CREB5: variants seen among roughly 807,000 people sequenced by gnomAD.
CREB5 encodes the protein cyclic AMP-responsive element-binding protein 5.
In CREB5, 19 loss-of-function variants were observed where a neutral mutation model predicts 57.1. That is an observed-to-expected ratio of 0.33 (90% confidence interval 0.23 to 0.49). The LOEUF (loss-of-function observed/expected upper bound fraction) is 0.49, where lower values mean the gene tolerates loss of function less well. Among genes scored for constraint, CREB5 ranks in the 20% least tolerant of loss-of-function variants. The probability of loss-of-function intolerance (pLI) is 0.99; values close to 1 mark genes in which losing one functional copy is unlikely to be tolerated. For synonymous variants in CREB5, 238 were observed against 238.3 expected (o/e 1.00, Z 0.01); for missense variants, 579 against 671.6 (o/e 0.86, Z 1.52).
At chr7:28,457,053 A>G (rs1179222123) in intron 1 of CREB5, among the ~76,000 whole-genome samples, 1 of 152,224 alleles carries the variant, frequency 6.6e-6, no homozygotes, top group Non-Finnish European at 1.5e-5. Context: ...ATGGCAAAGA[A>G]GAGTGAGAGA....
At chr7:28,352,760 G>A (rs1432779463) in intron 1 of CREB5, among the ~76,000 whole-genome samples, 1 of 152,200 alleles carries the variant, frequency 6.6e-6, no homozygotes, top group East Asian at 1.9e-4. Context: ...TAGATGTAGA[G>A]TAGGAAACCA....
intron 5 of CREB5, among the ~76,000 whole-genome samples, chr7:28,675,463 T>G (rs1800274443): frequency 6.6e-6 from 1 of 152,178 alleles, no homozygotes; most frequent in Non-Finnish European, 1.5e-5. Context: ...GGAAAATTTG[T>G]CTTCCTCAGC....
rs1809909287 is a variant in CREB5 at position 28,823,658 on chromosome 7, G to C, written c.*4379G>C. The C allele has an allele frequency of 6.6e-6, 1 of 152,292 alleles. No individual in the cohort carries two copies. Among genetic ancestry groups the C allele is most frequent in the African/African-American group, 2.4e-5 (1 of 41,524 alleles). The allele number at this position is 152,292 out of a possible 1,614,324, so 9.4% of individuals were successfully genotyped here. On this transcript the variant is annotated 3_prime_UTR_variant, in exon 11 of 11. Transcript: ENST00000357727. Reference sequence around the variant, plus strand: ...TTAGGAAGCAGAGTTCAGCTAAAGGGAATCAGTAACTCTAACTGGAACAGC... The same window carrying C: ...TTAGGAAGCAGAGTTCAGCTAAAGGCAATCAGTAACTCTAACTGGAACAGC...
intron 1 of CREB5, among the ~76,000 whole-genome samples, chr7:28,468,010 C>T (rs7796539): frequency 0.2 from 30,381 of 152,110 alleles, 3,358 homozygotes; most frequent in African/African-American, 0.28. Flanking sequence ...CTTCAGAAGT[C>T]GTGGCCAAGA....
chr7:28,412,958 A>G (rs1216211504), intron 1 of CREB5, 41 bp downstream of exon 1: 2 of 1,389,566 alleles, frequency 1.4e-6, no homozygotes, highest in Non-Finnish European at 1.9e-6. Flanking sequence ...CAGAGAGAAA[A>G]CTTTGCACTT....
At chr7:28,703,870 C>T (rs1213922049) in intron 5 of CREB5, among the ~76,000 whole-genome samples, 1 of 152,194 alleles carries the variant, frequency 6.6e-6, no homozygotes, top group Non-Finnish European at 1.5e-5. Context: ...CTGGGCAACC[C>T]ATGGCCCAGT....
chr7:28,512,477 T>C (rs2391669), intron 4 of CREB5, among the ~76,000 whole-genome samples: 42,315 of 152,016 alleles, frequency 0.28, 6,010 homozygotes, highest in South Asian at 0.37. Context: ...AATGGACAAC[T>C]GGCATGTTGA....
intron 1 of CREB5, among the ~76,000 whole-genome samples, chr7:28,328,622 C>T (rs139947052): frequency 9.8e-5 from 15 of 152,304 alleles, no homozygotes; most frequent in South Asian, 6.2e-4. Flanking sequence ...TTATCTGCAA[C>T]GACTCTTCCA....
chr7:28,796,538 T>A (rs1430485197), intron 7 of CREB5, among the ~76,000 whole-genome samples: 1 of 152,244 alleles, frequency 6.6e-6, no homozygotes, highest in African/African-American at 2.4e-5. Context: ...TCTCATTATG[T>A]ACCCCCATTT....
intron 7 of CREB5, among the ~76,000 whole-genome samples, chr7:28,735,471 G>A (rs1046316632): frequency 6.6e-5 from 10 of 152,112 alleles, no homozygotes; most frequent in African/African-American, 1.9e-4. Flanking sequence ...CACTATGTAC[G>A]TATATAGATT....
Position 28,587,014 on chromosome 7 carries a change from C to T in CREB5, c.464+16477C>T, listed in dbSNP as rs1796328776. On this transcript the variant is annotated intron_variant, in intron 5 of 10. Coordinates refer to ENST00000357727, the MANE Select transcript of CREB5 (RefSeq NM_182898.4). Reference sequence around the variant, plus strand: ...TGGTCCAGCCGTTGCTTCTGGAAGTCTCTTGCTATGTGACCAACCAAGATA... The same window carrying T: ...TGGTCCAGCCGTTGCTTCTGGAAGTTTCTTGCTATGTGACCAACCAAGATA... 2.0e-5 allele frequency among the ~76,000 whole-genome samples: 3 copies of T among 152,168 alleles called. 1 individual carries two copies. The highest frequency in any genetic ancestry group is 4.8e-5 in the African/African-American group (2 of 41,440).
intron 5 of CREB5, among the ~76,000 whole-genome samples, chr7:28,613,427 G>A (rs566824350): frequency 1.3e-5 from 2 of 152,144 alleles, no homozygotes; most frequent in South Asian, 2.1e-4. Flanking sequence ...ATTGCCACCC[G>A]GCTTGAGCCT....
At chr7:28,610,448 G>T (rs1222896001) in intron 5 of CREB5, among the ~76,000 whole-genome samples, 1 of 152,138 alleles carries the variant, frequency 6.6e-6, no homozygotes, top group Middle Eastern at 3.2e-3. Flanking sequence ...TGGCCTGATG[G>T]ATTTTTAAGT....
chr7:28,620,038 G>A (rs1797735756), intron 5 of CREB5, among the ~76,000 whole-genome samples: 1 of 152,136 alleles, frequency 6.6e-6, no homozygotes, highest in Non-Finnish European at 1.5e-5. Flanking sequence ...CAGAATTTGG[G>A]CATCATTTTA....
At chr7:28,445,803 A>T (rs147346944) in intron 1 of CREB5, among the ~76,000 whole-genome samples, 1 of 151,026 alleles carries the variant, frequency 6.6e-6, no homozygotes, top group Non-Finnish European at 1.5e-5. Context: ...CGCCTGCCTC[A>T]GCCTCCCAAA....
Position 28,677,948 on chromosome 7 carries a change from A to T in CREB5, c.465-40805A>T, listed in dbSNP as rs564715298. On this transcript the variant is annotated intron_variant, in intron 5 of 10. Coordinates refer to ENST00000357727, the MANE Select transcript of CREB5 (RefSeq NM_182898.4). ...AGAAAGGGCACTGGGATTGGCCCAG[A>T]CAGTGCATGAATCTCACTTTCCTTC... Among the ~76,000 whole-genome samples the T allele has an allele frequency of 2.0e-5, 3 of 152,330 alleles. No individual in the cohort carries two copies. In the East Asian group the frequency reaches 5.8e-4, roughly 29 times the overall value.
At chr7:28,312,891 T>A (rs1170300289) in intron 1 of CREB5, among the ~76,000 whole-genome samples, 1 of 152,132 alleles carries the variant, frequency 6.6e-6, no homozygotes, top group East Asian at 1.9e-4. Flanking sequence ...AGTTTCTCAT[T>A]CCAAAAAGAA....
intron 7 of CREB5, among the ~76,000 whole-genome samples, chr7:28,746,756 A>G (rs979625171): frequency 6.6e-6 from 1 of 152,204 alleles, no homozygotes; most frequent in Non-Finnish European, 1.5e-5. Flanking sequence ...CTATTTGTGA[A>G]AAGCTCAGGC....
intron 5 of CREB5, among the ~76,000 whole-genome samples, chr7:28,573,343 A>G (rs1795777377): frequency 6.6e-6 from 1 of 152,182 alleles, no homozygotes; most frequent in African/African-American, 2.4e-5. Context: ...TCAAATATTT[A>G]AGTGTCAAAA....
Sources: allele counts gnomAD v4.1 joint callset (sites outside exome capture counted in the v4.1 genomes callset), GRCh38; gene constraint gnomAD v4.1.1; transcripts MANE v1.5; gene names NCBI Gene and HGNC (gene_info 2026-07-23, HGNC 2026-07-21).